Variants in SPNS2 observed in about 807,000 individuals in gnomAD.
SPNS2 encodes the protein sphingosine-1-phosphate transporter SPNS2.
A neutral mutation model predicts 57.6 loss-of-function variants in SPNS2; 37 were observed. The ratio of observed to expected loss-of-function variants is 0.64; its 90% confidence interval spans 0.49 to 0.85. The LOEUF (loss-of-function observed/expected upper bound fraction) is 0.85. Ranked by LOEUF, SPNS2 falls within the 40% of genes least tolerant of loss-of-function variation. The pLI is 0.00. For missense variants in SPNS2, 831 were observed against 779.1 expected, an observed-to-expected ratio of 1.07 and a Z score of -0.79; for synonymous variants, 440 against 346.9, an observed-to-expected ratio of 1.27 and a Z score of -2.98.
At chr17:4,504,555 A>T (rs1360232039) in intron 1 of SPNS2, among the ~76,000 whole-genome samples, 1 of 152,200 alleles carries the variant, frequency 6.6e-6, no homozygotes, top group Non-Finnish European at 1.5e-5. Context: ...TCTGAGAGGG[A>T]GGCTGCCCTG....
intron 3 of SPNS2, among the ~76,000 whole-genome samples, 185 bp downstream of exon 3, chr17:4,525,378 G>A (rs150073415): frequency 2.0e-4 from 30 of 152,348 alleles, no homozygotes; most frequent in Non-Finnish European, 3.8e-4. Flanking sequence ...CCTGCGGCTG[G>A]GGCCTTCCCC....
rs745422584 is a variant in SPNS2 at position 4,510,804 on chromosome 17, C to T, written c.371-2443C>T. 9.9e-5 allele frequency among the ~76,000 whole-genome samples: 15 copies of T among 152,166 alleles called. No homozygotes were observed. The highest frequency in any genetic ancestry group is 5.2e-4 in the Admixed American group (8 of 15,276). On this transcript the variant is annotated intron_variant, in intron 1 of 12. Coordinates refer to ENST00000329078, the MANE Select transcript of SPNS2 (RefSeq NM_001124758.3). The surrounding 1 kb of genome is among the most constrained non-coding windows in gnomAD (Gnocchi z 4.4). ...TGGAGGATGAAGAAACATTCACCCACGTGTAAAGTCCCTGTGGGTTATGTG... is the reference window on the plus strand; with the variant it reads ...TGGAGGATGAAGAAACATTCACCCATGTGTAAAGTCCCTGTGGGTTATGTG...
Position 4,525,070 on chromosome 17 carries a change from C to T in SPNS2, c.450C>T (p.Ser150=), listed in dbSNP as rs750965899. ...AGLLQSVFIC[S]FMVAAPIFGY... is the part of the protein sequence containing the mutation. ...CTCTCCCTGCAGTGTTCATCTGTAG[C>T]TTCATGGTGGCTGCCCCCATCTTCG... is the stretch of plus-strand genomic sequence containing the variant. Residue 150 remains serine (S), a synonymous_variant, in exon 3 of 13, where the codon AGC becomes AGT. Coordinates refer to ENST00000329078, the MANE Select transcript of SPNS2 (RefSeq NM_001124758.3). The T allele has an allele frequency of 1.2e-6, 2 of 1,614,224 alleles. No individual in the cohort carries two copies. Among genetic ancestry groups the T allele is most frequent in the Non-Finnish European group, 1.7e-6 (2 of 1,180,028 alleles).
chr17:4,530,877 C>T (rs1905436236), intron 4 of SPNS2, 94 bp downstream of exon 4: 1 of 1,502,832 alleles, frequency 6.7e-7, no homozygotes, highest in South Asian at 1.3e-5. Flanking sequence ...CTAGCCCAGG[C>T]AGGCGTCCTC....
rs1224452451 is a variant in SPNS2 at position 4,530,631 on chromosome 17, G to T, written c.574-1G>T. On this transcript the variant is annotated splice_acceptor_variant, in intron 3 of 12. Coordinates refer to ENST00000329078, the MANE Select transcript of SPNS2 (RefSeq NM_001124758.3). LOFTEE classifies it high-confidence loss of function. ...CCAGCATCCTCCACCCCTCCTCACA[G>T]TACTTCTGGCTGCTGGTCCTGTCCC... 6.2e-7 allele frequency: 1 copy of T among 1,611,176 alleles called. No homozygotes were observed. Among genetic ancestry groups the T allele is most frequent in the Non-Finnish European group, 8.5e-7 (1 of 1,178,962 alleles).
chr17:4,531,260 C>T (rs1462008057), intron 5 of SPNS2, 141 bp downstream of exon 5: 3 of 725,980 alleles, frequency 4.1e-6, no homozygotes, highest in African/African-American at 1.7e-5. Context: ...CCCTGCCCTT[C>T]CAGATTAGTC....
In SPNS2 at chr17:4,499,432, C is replaced by T. The variant is rs1904396950; in HGVS notation, c.370+15C>T. On this transcript the variant is annotated intron_variant, in intron 1 of 12. Transcript: ENST00000329078. The surrounding 1 kb of genome is among the most constrained non-coding windows in gnomAD (Gnocchi z 5.2). ...CACCGTGGCAGGTGAGCGAGTGCCC[C>T]ACCCAGCCCGAGGACCAAGACCCCA... 4 of 1,309,668 alleles carry T rather than the reference C, an allele frequency of 3.1e-6. No individual in the cohort carries two copies. The highest frequency in any genetic ancestry group is 3.9e-6 in the Non-Finnish European group (4 of 1,025,792). The allele number at this position is 1,309,668 out of a possible 1,614,324, so 81.1% of individuals were successfully genotyped here.
chr17:4,504,070 C>T (rs891210845), intron 1 of SPNS2, among the ~76,000 whole-genome samples: 2 of 151,748 alleles, frequency 1.3e-5, no homozygotes, highest in Non-Finnish European at 2.9e-5. Flanking sequence ...ACAGGGTCAC[C>T]TGGTGGGTAG....
intron 3 of SPNS2, among the ~76,000 whole-genome samples, chr17:4,528,302 T>G (rs71368504): frequency 2.0e-5 from 3 of 151,924 alleles, no homozygotes; most frequent in African/African-American, 4.8e-5. Flanking sequence ...GAATTATAGG[T>G]GTGAGCCACT....
Position 4,533,003 on chromosome 17 carries a change from C to G in SPNS2, c.962C>G (p.Ala321Gly), listed in dbSNP as rs202128566. 332 of 1,612,988 alleles carry G rather than the reference C, an allele frequency of 2.1e-4. 1 individual carries two copies. The African/African-American group carries it at 4.1e-3, about 20-fold the overall frequency. The change falls in exon 7 of 13, where the codon GCC (alanine) becomes GGC (glycine). Residue 321 changes from alanine (A) to glycine (G), a missense_variant. Ala to Gly is a moderately conservative substitution (Grantham distance 60, BLOSUM62 0). Coordinates refer to ENST00000329078, the MANE Select transcript of SPNS2 (RefSeq NM_001124758.3). ...RNRSYVFSSL[A>G]TSAVSFATGA... Reference sequence around the variant, plus strand: ...CGCAGCTACGTCTTCTCCTCCCTGGCCACGTCGGCTGTCTCCTTCGCCACG... The same window carrying G: ...CGCAGCTACGTCTTCTCCTCCCTGGGCACGTCGGCTGTCTCCTTCGCCACG...
Position 4,531,043 on chromosome 17 carries a change from T to G in SPNS2, c.726-10T>G, listed in dbSNP as rs749003785. 3.1e-6 allele frequency: 5 copies of G among 1,613,930 alleles called. No homozygotes were observed. The South Asian group carries it at 5.5e-5, about 18-fold the overall frequency. On this transcript the variant is annotated splice_polypyrimidine_tract_variant and intron_variant, in intron 4 of 12. Coordinates refer to ENST00000329078, the MANE Select transcript of SPNS2 (RefSeq NM_001124758.3). ...CTCTGCTCAGCCTGACGTGTGTCTC[T>G]TCTCTGCAGTGGCCTGGGCTACATT... is the stretch of plus-strand genomic sequence containing the variant.
At chr17:4,530,434 C>T (rs906960935) in intron 3 of SPNS2, among the ~76,000 whole-genome samples, 198 bp from the exon 4 acceptor site, 1 of 152,196 alleles carries the variant, frequency 6.6e-6, no homozygotes, top group Non-Finnish European at 1.5e-5. Flanking sequence ...CCCCGTCAGA[C>T]CCACTATACA....
Position 4,538,800 on chromosome 17 carries a change from A to T in SPNS2, c.*1352A>T. On this transcript the variant is annotated 3_prime_UTR_variant, in exon 13 of 13. Transcript: ENST00000329078. ...GGTACCCCGAGGGCCTGACAAGAGGATGGGGTGGGGGTGGCATCCTCCAAA... is the reference window on the plus strand; with the variant it reads ...GGTACCCCGAGGGCCTGACAAGAGGTTGGGGTGGGGGTGGCATCCTCCAAA... 1.3e-6 allele frequency: 1 copy of T among 758,472 alleles called. No individual in the cohort carries two copies. Among genetic ancestry groups the T allele is most frequent in the Non-Finnish European group, 2.4e-6 (1 of 411,560 alleles). The allele number at this position is 758,472 out of a possible 1,614,324, so 47.0% of individuals were successfully genotyped here.
chr17:4,530,880 G>T (rs956143084), intron 4 of SPNS2, 97 bp downstream of exon 4: 22 of 1,512,646 alleles, frequency 1.5e-5, no homozygotes, highest in Admixed American at 3.8e-5. Flanking sequence ...GCCCAGGCAG[G>T]CGTCCTCAGA....
At chr17:4,523,889 C>T (rs1295205918) in intron 2 of SPNS2, among the ~76,000 whole-genome samples, 1 of 152,204 alleles carries the variant, frequency 6.6e-6, no homozygotes, top group East Asian at 1.9e-4. Flanking sequence ...TATTTCTCCT[C>T]ATTCGAATGA....
intron 11 of SPNS2, 59 bp from the exon 12 acceptor site, chr17:4,536,841 G>A (rs539029827): frequency 1.4e-6 from 2 of 1,439,370 alleles, no homozygotes; most frequent in East Asian, 2.3e-5. Context: ...TGCCAGAGCA[G>A]TGCCCGGGCC....
At chr17:4,520,912 T>G (rs1905123429) in intron 2 of SPNS2, among the ~76,000 whole-genome samples, 1 of 152,216 alleles carries the variant, frequency 6.6e-6, no homozygotes. Flanking sequence ...TATATATCCA[T>G]AAATAATAAC....
intron 3 of SPNS2, among the ~76,000 whole-genome samples, chr17:4,529,807 AAGAG>A (rs1905383142): frequency 6.6e-6 from 1 of 152,160 alleles, no homozygotes; most frequent in African/African-American, 2.4e-5. Flanking sequence ...GAGATGGAAA[AAGAG>A]AGACAAGCAT....
intron 1 of SPNS2, among the ~76,000 whole-genome samples, chr17:4,508,443 G>T (rs1904739641): frequency 6.6e-6 from 1 of 152,242 alleles, no homozygotes; most frequent in Admixed American, 6.5e-5. Context: ...AAAGGTGATT[G>T]GGATTCTCAG....
Sources: allele counts gnomAD v4.1 joint callset (sites outside exome capture counted in the v4.1 genomes callset), GRCh38; gene constraint gnomAD v4.1.1; non-coding constraint Gnocchi (gnomAD v3.1); transcripts MANE v1.5; gene names NCBI Gene and HGNC (gene_info 2026-07-23, HGNC 2026-07-21).